Variants in SHANK2 observed in about 807,000 individuals in gnomAD.
SHANK2 encodes SH3 and multiple ankyrin repeat domains protein 2.
Under a neutral mutation model 133.7 loss-of-function variants are expected in SHANK2, and 43 were observed. The observed-to-expected ratio is 0.32, with a 90% CI of 0.25 to 0.41. The LOEUF (loss-of-function observed/expected upper bound fraction) is 0.41, where lower values mean the gene tolerates loss of function less well. SHANK2 is among the 10% of genes least tolerant of loss of function. SHANK2 has a pLI of 1.00. For synonymous variants in SHANK2, 1,017 were observed against 952.8 expected (o/e 1.07, Z -1.24); for missense variants, 1,994 against 2,235.8 (o/e 0.89, Z 2.18).
intron 20 of SHANK2, among the ~76,000 whole-genome samples, chr11:70,501,718 G>A (rs570038682): frequency 1.3e-5 from 2 of 152,348 alleles, no homozygotes; most frequent in African/African-American, 4.8e-5. Flanking sequence ...GGTGCCGGGC[G>A]TTCCCTAAGC....
chr11:70,821,420 T>TTTG (rs1300804695), intron 11 of SHANK2, among the ~76,000 whole-genome samples: 13 of 151,920 alleles, frequency 8.6e-5, no homozygotes, highest in South Asian at 4.2e-4. Flanking sequence ...ATCTGGTTGT[T>TTTG]TTGTTGTTGT....
chr11:70,683,894 G>A lies in SHANK2; in HGVS notation c.1853+14794C>T, dbSNP rs111949526. Among the ~76,000 whole-genome samples the A allele has an allele frequency of 5.3e-5, 8 of 151,450 alleles. No individual in the cohort carries two copies. In the East Asian group the frequency reaches 7.8e-4, roughly 15 times the overall value. On this transcript the variant is annotated intron_variant, in intron 15 of 25. Transcript: ENST00000601538. ...CGCCTCCTGGGTTCAAACGATTCTC[G>A]TGCCTCAGCCTCCCAAGTAGCTGGG...
At chr11:70,735,122 G>T (rs1457416441) in intron 14 of SHANK2, among the ~76,000 whole-genome samples, 1 of 152,214 alleles carries the variant, frequency 6.6e-6, no homozygotes, top group Non-Finnish European at 1.5e-5. Context: ...CAGGTGGGCA[G>T]GTTTTCGGGA....
intron 2 of SHANK2, among the ~76,000 whole-genome samples, chr11:71,167,800 T>C (rs1200261312): frequency 6.9e-3 from 517 of 74,580 alleles, no homozygotes; most frequent in Middle Eastern, 0.028. Context: ...GGGGGGCTGA[T>C]CCCCCCACCT....
At chr11:70,704,363 T>G (rs1305073818) in intron 14 of SHANK2, among the ~76,000 whole-genome samples, 1 of 152,252 alleles carries the variant, frequency 6.6e-6, no homozygotes, top group Non-Finnish European at 1.5e-5. Context: ...GAAACTGCCG[T>G]GGCTACATAG....
chr11:70,715,855 G>A (rs73527926), intron 14 of SHANK2, among the ~76,000 whole-genome samples: 8,743 of 152,282 alleles, frequency 0.057, 844 homozygotes, highest in African/African-American at 0.2. Context: ...CAGGGCTGGA[G>A]TCGCCAGTGG....
chr11:70,711,373 C>T (rs1945779773), intron 14 of SHANK2, among the ~76,000 whole-genome samples: 1 of 152,272 alleles, frequency 6.6e-6, no homozygotes, highest in Non-Finnish European at 1.5e-5. Context: ...GGTTTTAAAT[C>T]AGACGCCGCT....
chr11:70,661,331 G>A (rs2134272100), intron 16 of SHANK2, among the ~76,000 whole-genome samples: 1 of 152,264 alleles, frequency 6.6e-6, no homozygotes, highest in Admixed American at 6.5e-5. Context: ...AACCCATTCA[G>A]AACAACATCA....
chr11:70,540,926 G>A (rs1389945754), intron 17 of SHANK2, among the ~76,000 whole-genome samples: 1 of 150,006 alleles, frequency 6.7e-6, no homozygotes, highest in Non-Finnish European at 1.5e-5. Flanking sequence ...AACACACAAT[G>A]TCCAGAACAT....
At chr11:70,787,211 A>G (rs1290417506) in intron 14 of SHANK2, among the ~76,000 whole-genome samples, 2 of 148,814 alleles carry the variant, frequency 1.3e-5, no homozygotes, top group Non-Finnish European at 3.0e-5. Flanking sequence ...CATCATCACC[A>G]TGACCACCAC....
intron 3 of SHANK2, among the ~76,000 whole-genome samples, chr11:71,121,795 A>G (rs1440749892): frequency 6.6e-6 from 1 of 152,244 alleles, no homozygotes; most frequent in Non-Finnish European, 1.5e-5. Flanking sequence ...AAACAAATTT[A>G]TAAGAAAAAA....
At chr11:71,180,156 A>C (rs1221867997) in intron 2 of SHANK2, among the ~76,000 whole-genome samples, 1 of 152,240 alleles carries the variant, frequency 6.6e-6, no homozygotes, top group Non-Finnish European at 1.5e-5. Context: ...CTTGCAGAAA[A>C]ACATGACTCA....
chr11:70,685,908 C>T (rs1555019410), intron 15 of SHANK2, among the ~76,000 whole-genome samples: 2 of 152,120 alleles, frequency 1.3e-5, no homozygotes, highest in Non-Finnish European at 2.9e-5. Context: ...CCCACCCTTA[C>T]CCCAAGTCAC....
intron 2 of SHANK2, among the ~76,000 whole-genome samples, chr11:71,204,152 G>A (rs1253811176): frequency 6.6e-6 from 1 of 152,204 alleles, no homozygotes; most frequent in African/African-American, 2.4e-5. Flanking sequence ...GAGGAAAACT[G>A]CAGGCCAGGG....
At chr11:70,666,537 T>C (rs1295001374) in intron 15 of SHANK2, among the ~76,000 whole-genome samples, 1 of 152,212 alleles carries the variant, frequency 6.6e-6, no homozygotes, top group Non-Finnish European at 1.5e-5. Context: ...GAGTTCTGTG[T>C]GCTGCCCTAG....
chr11:71,208,050 G>C (rs1954164761), intron 2 of SHANK2, among the ~76,000 whole-genome samples: 1 of 152,114 alleles, frequency 6.6e-6, no homozygotes, highest in African/African-American at 2.4e-5. Flanking sequence ...AGGGCCTTAA[G>C]ACACCTAAAA....
intron 2 of SHANK2, among the ~76,000 whole-genome samples, chr11:71,147,632 G>T (rs1389927289): frequency 2.0e-5 from 3 of 152,208 alleles, no homozygotes; most frequent in African/African-American, 7.2e-5. Context: ...GCACTCAAAA[G>T]GAGCCTGAGC....
At chr11:70,564,748 T>C (rs1393989977) in intron 17 of SHANK2, among the ~76,000 whole-genome samples, 2 of 152,234 alleles carry the variant, frequency 1.3e-5, no homozygotes, top group Non-Finnish European at 2.9e-5. Context: ...TCACTATTAC[T>C]TTATAACATT....
chr11:70,718,407 AC>A (rs1945997663), intron 14 of SHANK2, among the ~76,000 whole-genome samples: 1 of 152,190 alleles, frequency 6.6e-6, no homozygotes, highest in South Asian at 2.1e-4. Context: ...CAAGGCGTGC[AC>A]TGTGCCTTCC....
Sources: gnomAD v4.1 joint callset for allele counts (sites outside exome capture counted in the v4.1 genomes callset) on GRCh38, gnomAD v4.1.1 for gene constraint, MANE v1.5 for transcripts, NCBI Gene and HGNC (gene_info 2026-07-23, HGNC 2026-07-21) for gene names.